Variants in ZNF536 observed in about 807,000 individuals in gnomAD.
ZNF536 encodes zinc finger protein 536.
A neutral mutation model predicts 84.5 loss-of-function variants in ZNF536; 13 were observed. The observed-to-expected ratio is 0.15, with a 90% CI of 0.10 to 0.24. The LOEUF is 0.24. Among genes scored for constraint, ZNF536 ranks in the 10% least tolerant of loss-of-function variants. The pLI is 1.00. For synonymous variants in ZNF536, 811 were observed against 742.5 expected, an observed-to-expected ratio of 1.09 and a Z score of -1.50; for missense variants, 1,536 against 1,747.5, an observed-to-expected ratio of 0.88 and a Z score of 2.16.
intron 1 of ZNF536, among the ~76,000 whole-genome samples, chr19:30,699,320 TAC>T (rs2051795524): frequency 6.6e-6 from 1 of 152,180 alleles, no homozygotes; most frequent in African/African-American, 2.4e-5. Flanking sequence ...CTCCTGTATA[TAC>T]ACACATCTAT....
At chr19:30,245,281 T>C (rs2024192649) in intron 1 of ZNF536, among the ~76,000 whole-genome samples, 1 of 152,218 alleles carries the variant, frequency 6.6e-6, no homozygotes, top group African/African-American at 2.4e-5. Context: ...TGTCTTGTCC[T>C]TTTCTGTTGT....
chr19:30,324,612 G>C (rs1159540998), intron 2 of ZNF536, among the ~76,000 whole-genome samples: 4 of 152,122 alleles, frequency 2.6e-5, no homozygotes, highest in Admixed American at 2.6e-4. Context: ...GGCTGGTCTT[G>C]AACTCCTGGG....
intron 2 of ZNF536, among the ~76,000 whole-genome samples, chr19:30,348,968 G>T (rs979269408): frequency 6.6e-6 from 1 of 152,082 alleles, no homozygotes; most frequent in Non-Finnish European, 1.5e-5. Context: ...CCTGGCAATC[G>T]TAATAATCTT....
At chr19:30,269,765 G>A (rs1391186352) in intron 1 of ZNF536, among the ~76,000 whole-genome samples, 1 of 152,090 alleles carries the variant, frequency 6.6e-6, no homozygotes, top group African/African-American at 2.4e-5. Context: ...CCCCCGCCTC[G>A]GCTTGTACGA....
intron 1 of ZNF536, among the ~76,000 whole-genome samples, chr19:30,441,592 G>A (rs1443071382): frequency 2.0e-5 from 3 of 152,142 alleles, no homozygotes; most frequent in Non-Finnish European, 4.4e-5. Context: ...AACCTCCATG[G>A]GATATTAGCT....
intron 1 of ZNF536, among the ~76,000 whole-genome samples, chr19:30,611,988 C>G (rs889038242): frequency 1.3e-5 from 2 of 152,034 alleles, no homozygotes; most frequent in African/African-American, 4.8e-5. Flanking sequence ...GCTGTTTGGT[C>G]GTGGGCATTT....
chr19:30,610,448 G>C (rs1178245259), intron 1 of ZNF536, among the ~76,000 whole-genome samples: 7 of 152,132 alleles, frequency 4.6e-5, no homozygotes, highest in Admixed American at 4.6e-4. Context: ...CCCTCTGGGT[G>C]GGGGAGGCTA....
intron 1 of ZNF536, among the ~76,000 whole-genome samples, chr19:30,433,057 G>A (rs1157764913): frequency 1.3e-5 from 2 of 152,206 alleles, no homozygotes; most frequent in African/African-American, 4.8e-5. Context: ...TGACTTTCAA[G>A]TCTGCACCAG....
intron 1 of ZNF536, among the ~76,000 whole-genome samples, chr19:30,636,896 G>C (rs1224783144): frequency 1.3e-5 from 2 of 152,156 alleles, no homozygotes; most frequent in East Asian, 3.9e-4. Flanking sequence ...GTTTCGAACA[G>C]AGTCCGCAGA....
intron 1 of ZNF536, among the ~76,000 whole-genome samples, chr19:30,620,491 G>T (rs373515144): frequency 6.6e-6 from 1 of 152,134 alleles, no homozygotes; most frequent in African/African-American, 2.4e-5. Flanking sequence ...ATGGGGAATG[G>T]AAGTCCTGCA....
chr19:30,443,514 G>A (rs372755751), intron 1 of ZNF536, 47 bp from the exon 2 acceptor site: 18 of 1,498,956 alleles, frequency 1.2e-5, no homozygotes, highest in Admixed American at 2.4e-5. Flanking sequence ...GATTCATGGC[G>A]CCACAGCCGC....
intron 1 of ZNF536, among the ~76,000 whole-genome samples, chr19:30,627,468 C>CAA (rs569312789): frequency 0.023 from 1,213 of 52,024 alleles, 133 homozygotes; most frequent in East Asian, 0.032. Context: ...AAGGCCCTGT[C>CAA]AAAAAAAAAA....
intron 2 of ZNF536, among the ~76,000 whole-genome samples, chr19:30,315,816 A>G (rs1355211091): frequency 6.6e-6 from 1 of 152,208 alleles, no homozygotes; most frequent in East Asian, 1.9e-4. Context: ...ATTCACAAAA[A>G]GAAAATCATG....
chr19:30,508,834 T>G (rs1401677757), intron 2 of ZNF536, among the ~76,000 whole-genome samples: 1 of 137,234 alleles, frequency 7.3e-6, no homozygotes, highest in African/African-American at 2.7e-5. Context: ...TTTTTTTTTT[T>G]TTTTTTTTTT....
intron 1 of ZNF536, among the ~76,000 whole-genome samples, chr19:30,406,941 C>T (rs940041210): frequency 1.3e-5 from 2 of 152,226 alleles, no homozygotes; most frequent in African/African-American, 4.8e-5. Context: ...GCATCCCCAA[C>T]CTCTGTTGTC....
At chr19:30,232,689 G>A (rs1250528162) in intron 1 of ZNF536, among the ~76,000 whole-genome samples, 1 of 152,190 alleles carries the variant, frequency 6.6e-6, no homozygotes, top group East Asian at 1.9e-4. Flanking sequence ...CTTGCTCGAG[G>A]TGGGGTTTAT....
intron 2 of ZNF536, among the ~76,000 whole-genome samples, chr19:30,322,010 G>A (rs1028680836): frequency 4.6e-5 from 7 of 152,194 alleles, no homozygotes; most frequent in African/African-American, 1.7e-4. Flanking sequence ...TCCTGATCTC[G>A]TGATCCGCCT....
exon 2 of ZNF536, chr19:30,711,089 A>G (rs956577450): frequency 6.6e-6 from 1 of 151,344 alleles, no homozygotes; most frequent in Admixed American, 6.6e-5. Context: ...TTCCAAGGGG[A>G]AAAAATCATG....
At chr19:30,352,098 G>A (rs989848367) in intron 2 of ZNF536, among the ~76,000 whole-genome samples, 3 of 152,218 alleles carry the variant, frequency 2.0e-5, no homozygotes, top group Non-Finnish European at 4.4e-5. Flanking sequence ...GTTGTCAGAA[G>A]TGGCAGCTGC....
Sources: allele counts gnomAD v4.1 joint callset (sites outside exome capture counted in the v4.1 genomes callset), GRCh38; gene constraint gnomAD v4.1.1; transcripts MANE v1.5; gene names NCBI Gene and HGNC (gene_info 2026-07-23, HGNC 2026-07-21).